The following DMXL1 variants were observed in gnomAD, a reference collection of about 807,000 sequenced individuals.
The protein encoded by DMXL1 is dmX-like protein 1.
In DMXL1, 99 loss-of-function variants were observed where a neutral mutation model predicts 319.2. The observed-to-expected ratio is 0.31, with a 90% CI of 0.26 to 0.37. The LOEUF is 0.37. Among genes scored for constraint, DMXL1 ranks in the 10% least tolerant of loss-of-function variants. The pLI, the probability that DMXL1 is intolerant of heterozygous loss-of-function variation, is 1.00. For missense variants in DMXL1, 3,745 were observed against 3,595.6 expected (o/e 1.04, Z -1.06); for synonymous variants, 1,385 against 1,235.2 (o/e 1.12, Z -2.54).
intron 13 of DMXL1, among the ~76,000 whole-genome samples, chr5:119,138,458 G>C (rs1256154611): frequency 6.6e-6 from 1 of 152,168 alleles, no homozygotes; most frequent in Non-Finnish European, 1.5e-5. Context: ...GAGAGGTCTG[G>C]CCTGAAAATA....
intron 25 of DMXL1, among the ~76,000 whole-genome samples, chr5:119,172,336 G>A (rs1034056743): frequency 2.6e-5 from 4 of 152,246 alleles, no homozygotes; most frequent in Non-Finnish European, 5.9e-5. Flanking sequence ...TGTAAACGAA[G>A]TTTTCCCTTG....
chr5:119,232,728 CT>C (rs1167391011), intron 38 of DMXL1, among the ~76,000 whole-genome samples: 2 of 151,796 alleles, frequency 1.3e-5, no homozygotes, highest in African/African-American at 4.8e-5. Flanking sequence ...AAATCCCAGC[CT>C]CTTAGAGGCT....
intron 1 of DMXL1, among the ~76,000 whole-genome samples, chr5:119,079,642 A>G (rs915290169): frequency 2.0e-5 from 3 of 151,986 alleles, no homozygotes; most frequent in Non-Finnish European, 2.9e-5. Flanking sequence ...AATTTGAATC[A>G]ACAGATCTCC....
chr5:119,120,874 T>G, intron 8 of DMXL1, 97 bp from the exon 9 acceptor site: 5 of 966,084 alleles, frequency 5.2e-6, no homozygotes, highest in Non-Finnish European at 7.2e-6. Context: ...TAAAATGTTC[T>G]GAGCTAGGAT....
chr5:119,187,838 T>C (rs1022138128), intron 28 of DMXL1, among the ~76,000 whole-genome samples: 6 of 152,158 alleles, frequency 3.9e-5, no homozygotes, highest in Non-Finnish European at 8.8e-5. Context: ...AATTTTTGTA[T>C]TTTTAGTAAA....
intron 1 of DMXL1, among the ~76,000 whole-genome samples, chr5:119,080,895 C>T (rs191543231): frequency 5.9e-5 from 9 of 152,272 alleles, no homozygotes; most frequent in Admixed American, 3.3e-4. Context: ...TTCACAAGCT[C>T]TTCAGGAAAC....
intron 3 of DMXL1, 34 bp downstream of exon 3, chr5:119,102,040 G>A: frequency 1.5e-6 from 2 of 1,375,898 alleles, no homozygotes; most frequent in Non-Finnish European, 2.0e-6. Context: ...TTTAGGAATT[G>A]AAATGTTTTA....
chr5:119,144,402 G>A (rs529209506), intron 14 of DMXL1, 134 bp from the exon 15 acceptor site: 14 of 641,566 alleles, frequency 2.2e-5, no homozygotes, highest in Middle Eastern at 4.2e-4. Flanking sequence ...GGTGCCATAC[G>A]CTTACGTTCT....
intron 1 of DMXL1, among the ~76,000 whole-genome samples, chr5:119,085,168 A>G (rs1334687004): frequency 6.6e-6 from 1 of 151,848 alleles, no homozygotes; most frequent in Non-Finnish European, 1.5e-5. Context: ...GTCTCTATTA[A>G]AAATACAAAA....
rs567250553 is a variant in DMXL1, at chr5:119,207,610, C to A, written c.7926+714C>A. ...CTTGGTTCAGTGCAACCTCTGCCCC[C>A]CAGGTTCAAGCGATTCTCCTGCCTC... On this transcript the variant is annotated intron_variant, in intron 34 of 43. Coordinates refer to ENST00000539542, the MANE Select transcript of DMXL1 (RefSeq NM_001290321.3). 1.2e-4 allele frequency among the ~76,000 whole-genome samples: 18 copies of A among 152,306 alleles called. 1 individual carries two copies. Among genetic ancestry groups the A allele is most frequent in the Admixed American group, 7.2e-4 (11 of 15,286 alleles).
At chr5:119,116,389 A>G in intron 7 of DMXL1, 53 bp downstream of exon 7, 1 of 1,552,420 alleles carries the variant, frequency 6.4e-7, no homozygotes, top group Admixed American at 1.9e-5. Context: ...CATCTTTGTT[A>G]CTTTGATTGC....
intron 43 of DMXL1, 86 bp from the exon 44 acceptor site, chr5:119,246,909 A>G: frequency 2.1e-6 from 2 of 972,336 alleles, no homozygotes; most frequent in African/African-American, 1.6e-5. Flanking sequence ...CTGGGATTAC[A>G]GGCATGAGCC....
chr5:119,114,777 T>G lies in DMXL1; in HGVS notation c.564+236T>G, dbSNP rs113961765. Among the ~76,000 whole-genome samples, 677 of 152,286 alleles carry G rather than the reference T, an allele frequency of 4.4e-3. 6 individuals carry two copies. The highest frequency in any genetic ancestry group is 0.016 in the African/African-American group (665 of 41,548). On this transcript the variant is annotated intron_variant, in intron 6 of 43. Coordinates refer to ENST00000539542, the MANE Select transcript of DMXL1 (RefSeq NM_001290321.3). ...TCTGCCTCCCAGGTTAAAGCGATTC[T>G]CCTGCCTCAGCCTCTCAAGTAGCTG...
chr5:119,093,808 T>C (rs948457488), intron 1 of DMXL1, among the ~76,000 whole-genome samples: 3 of 152,212 alleles, frequency 2.0e-5, no homozygotes, highest in Admixed American at 6.5e-5. Context: ...AATAGCCTTA[T>C]TGCTTATATG....
Position 119,105,188 on chromosome 5 carries a change from T to C in DMXL1, c.294T>C (p.Tyr98=), listed in dbSNP as rs1758067740. 4.4e-6 allele frequency: 7 copies of C among 1,608,968 alleles called. No homozygotes were observed. The highest frequency in any genetic ancestry group is 1.1e-5 in the South Asian group (1 of 90,952). ...ACTTTTCTTAATTTTAGGAATTATA[T>C]AGTCAGTGGCAGAAAAGTGGCCAAT... ...LPKQKKNLEL[Y]SQWQKSGQFF... Residue 98 remains tyrosine (Y), a synonymous_variant, in exon 4 of 44, where the codon TAT becomes TAC. Coordinates refer to ENST00000539542, the MANE Select transcript of DMXL1 (RefSeq NM_001290321.3).
At chr5:119,158,832 T>C (rs114756456) in intron 19 of DMXL1, among the ~76,000 whole-genome samples, 3,526 of 152,324 alleles carry the variant, frequency 0.023, 60 homozygotes, top group Non-Finnish European at 0.033. Context: ...ATGGCATAAT[T>C]CCTACTTGAT....
chr5:119,191,440 C>G (rs1250337984), intron 29 of DMXL1, among the ~76,000 whole-genome samples: 1 of 152,098 alleles, frequency 6.6e-6, no homozygotes, highest in Non-Finnish European at 1.5e-5. Context: ...CCTCACTGCC[C>G]TTTTTTGAGT....
intron 27 of DMXL1, 65 bp downstream of exon 27, chr5:119,177,549 G>A: frequency 7.7e-7 from 1 of 1,303,152 alleles, no homozygotes; most frequent in South Asian, 1.5e-5. Context: ...TAAGTAGAAA[G>A]ACTTTTAGTT....
In DMXL1 at chr5:119,092,604, C is replaced by T. The variant is rs182092655; in HGVS notation, c.88-5375C>T. On this transcript the variant is annotated intron_variant, in intron 1 of 43. Transcript: ENST00000539542. ...CCACAATCTGATTATAGAACATTTT[C>T]CTCACCCCCAAGAGAAATCCCGTGT... Among the ~76,000 whole-genome samples, 379 of 152,178 alleles carry T rather than the reference C, an allele frequency of 2.5e-3. 1 individual carries two copies. The highest frequency in any genetic ancestry group is 8.9e-3 in the African/African-American group (368 of 41,494).
Sources: allele counts gnomAD v4.1 joint callset (sites outside exome capture counted in the v4.1 genomes callset), GRCh38; gene constraint gnomAD v4.1.1; transcripts MANE v1.5; gene names NCBI Gene and HGNC (gene_info 2026-07-23, HGNC 2026-07-21).